The following NAALADL2 variants were observed in gnomAD, a reference collection of about 807,000 sequenced individuals.
NAALADL2 encodes inactive N-acetylated-alpha-linked acidic dipeptidase-like protein 2.
A neutral mutation model predicts 87.2 loss-of-function variants in NAALADL2; 76 were observed. The observed-to-expected ratio is 0.87, with a 90% CI of 0.72 to 1.05. The LOEUF is 1.05. Among genes scored for constraint, NAALADL2 ranks in the 50% least tolerant of loss-of-function variants. The pLI is 0.00. For synonymous variants in NAALADL2, 354 were observed against 331.0 expected, an observed-to-expected ratio of 1.07 and a Z score of -0.75; for missense variants, 1,089 against 945.8, an observed-to-expected ratio of 1.15 and a Z score of -1.99.
chr3:174,670,511 TA>T (rs1246621082), intron 2 of NAALADL2, among the ~76,000 whole-genome samples: 2 of 152,040 alleles, frequency 1.3e-5, no homozygotes, highest in African/African-American at 2.4e-5. Context: ...CCAGACCCAA[TA>T]ATCAACACAA....
intron 12 of NAALADL2, among the ~76,000 whole-genome samples, chr3:175,748,828 G>A (rs1319013884): frequency 1.3e-5 from 2 of 151,904 alleles, no homozygotes; most frequent in Non-Finnish European, 1.5e-5. Flanking sequence ...TTATAGACTG[G>A]GCATGGTGGC....
chr3:175,028,645 A>G (rs1580101126), intron 1 of NAALADL2, among the ~76,000 whole-genome samples: 1 of 152,176 alleles, frequency 6.6e-6, no homozygotes, highest in East Asian at 1.9e-4. Context: ...ATGTCAGAGT[A>G]TCTTTTAAAT....
chr3:175,549,289 A>T (rs1254740674), intron 9 of NAALADL2, among the ~76,000 whole-genome samples: 2 of 152,004 alleles, frequency 1.3e-5, no homozygotes, highest in Admixed American at 1.3e-4. Context: ...GGATGTGTAT[A>T]TCTGTTTAGA....
chr3:174,909,463 T>A (rs1212727509), intron 1 of NAALADL2, among the ~76,000 whole-genome samples: 1 of 152,120 alleles, frequency 6.6e-6, no homozygotes, highest in Non-Finnish European at 1.5e-5. Flanking sequence ...TATATTTAAC[T>A]GTTAAAATAG....
intron 5 of NAALADL2, among the ~76,000 whole-genome samples, chr3:175,348,536 CCCT>C (rs1180265480): frequency 6.6e-6 from 1 of 152,048 alleles, no homozygotes; most frequent in East Asian, 1.9e-4. Context: ...GCCATGTTCC[CCCT>C]GAAGGTTCTA....
In NAALADL2 at chr3:175,308,355, C is replaced by G. The variant is rs1473031694; in HGVS notation, c.940-15820C>G. 2.6e-5 allele frequency among the ~76,000 whole-genome samples: 4 copies of G among 152,168 alleles called. No homozygotes were observed. The East Asian group carries it at 5.8e-4, about 22-fold the overall frequency. ...TCTGTTTTCATCATTTCTTTGCACT[C>G]AGACGTTAAACTGCGTATGTTCTCT... On this transcript the variant is annotated intron_variant, in intron 4 of 13. Coordinates refer to ENST00000454872, the MANE Select transcript of NAALADL2 (RefSeq NM_207015.3).
intron 9 of NAALADL2, among the ~76,000 whole-genome samples, chr3:175,539,950 A>C (rs959928212): frequency 7.2e-5 from 11 of 152,228 alleles, no homozygotes; most frequent in Non-Finnish European, 1.0e-4. Context: ...GCTATCAAGC[A>C]AAAGGAAAAA....
chr3:175,031,093 CATT>C (rs1752745847), intron 1 of NAALADL2, among the ~76,000 whole-genome samples: 1 of 151,874 alleles, frequency 6.6e-6, no homozygotes, highest in Admixed American at 6.6e-5. Context: ...TAGAACAAAA[CATT>C]AACCAACTAT....
chr3:174,643,783 A>G (rs1299582757), intron 2 of NAALADL2, among the ~76,000 whole-genome samples: 1 of 152,214 alleles, frequency 6.6e-6, no homozygotes, highest in African/African-American at 2.4e-5. Flanking sequence ...GCAATATCAT[A>G]TTGTTATTTA....
intron 1 of NAALADL2, among the ~76,000 whole-genome samples, chr3:174,982,654 G>A (rs1745269497): frequency 6.6e-6 from 1 of 152,204 alleles, no homozygotes; most frequent in Non-Finnish European, 1.5e-5. Flanking sequence ...ATTGAAAAGT[G>A]TAACATCGAA....
intron 1 of NAALADL2, among the ~76,000 whole-genome samples, chr3:174,968,792 A>G (rs897311163): frequency 1.3e-5 from 2 of 152,130 alleles, no homozygotes. Context: ...TAGTTTTAAA[A>G]GTCCTTTAGG....
chr3:175,809,535 AAAAAG>A lies in NAALADL2; in HGVS notation c.*6342_*6346del, dbSNP rs1755001809. On this transcript the variant is annotated 3_prime_UTR_variant, in exon 14 of 14. Transcript: ENST00000454872. ...TTAAAAAAAAAAAAAAAAAAAAAAA[AAAAAG>A]AAAAGAAAAAGTAGCTAGGCATGTT... 9 of 147,566 alleles carry A rather than the reference AAAAAG, an allele frequency of 6.1e-5. No homozygotes were observed. The highest frequency in any genetic ancestry group is 8.9e-5 in the Non-Finnish European group (6 of 67,252). The allele number at this position is 147,566 out of a possible 1,614,324, so 9.1% of individuals were successfully genotyped here.
In NAALADL2 at chr3:175,465,473, C is replaced by CTTTTTTTTTTTTTTTT. The variant is rs71164634; in HGVS notation, c.1328-1502_1328-1487dup. 8.9e-4 allele frequency among the ~76,000 whole-genome samples: 95 copies of CTTTTTTTTTTTTTTTT among 106,734 alleles called. 3 individuals are homozygous for CTTTTTTTTTTTTTTTT. The highest frequency in any genetic ancestry group is 3.3e-3 in the African/African-American group (87 of 26,444). 70.0% of individuals were successfully genotyped at this position (106,734 alleles called of 152,430 possible). On this transcript the variant is annotated intron_variant, in intron 7 of 13. Transcript: ENST00000454872. ...ACACTATGTATACCATGAATTAAAT[C>CTTTTTTTTTTTTTTTT]TTTTTTTTTTTTTTTTTTTGAGATG...
chr3:175,756,172 A>T lies in NAALADL2; in HGVS notation c.2189+754A>T, dbSNP rs369056547. On this transcript the variant is annotated intron_variant, in intron 13 of 13. Transcript: ENST00000454872. ...TTATTAAAAAGTGAAAAAATAACAG[A>T]TGGAGAGAAAGCAGAGAAAAAGTAA... 2.6e-5 allele frequency among the ~76,000 whole-genome samples: 4 copies of T among 152,292 alleles called. No individual in the cohort carries two copies. The East Asian group carries it at 5.8e-4, about 22-fold the overall frequency.
At chr3:174,540,265 G>T (rs1217022236) in intron 1 of NAALADL2, among the ~76,000 whole-genome samples, 5 of 152,168 alleles carry the variant, frequency 3.3e-5, no homozygotes, top group African/African-American at 1.2e-4. Context: ...TGAAGGGCTG[G>T]CTTCTGGCTA....
intron 3 of NAALADL2, among the ~76,000 whole-genome samples, chr3:174,795,021 C>T (rs985950812): frequency 1.2e-5 from 1 of 84,430 alleles, no homozygotes; most frequent in African/African-American, 4.6e-5. Flanking sequence ...GACAGAGTTT[C>T]GCTCTTGTTG....
chr3:174,453,765 C>T (rs1264257096), intron 1 of NAALADL2, among the ~76,000 whole-genome samples: 2 of 152,138 alleles, frequency 1.3e-5, no homozygotes, highest in Non-Finnish European at 2.9e-5. Flanking sequence ...AAAGGAAGCA[C>T]TACATGCAGA....
chr3:175,414,414 T>A (rs1314548756), intron 5 of NAALADL2, among the ~76,000 whole-genome samples: 1 of 152,196 alleles, frequency 6.6e-6, no homozygotes, highest in African/African-American at 2.4e-5. Flanking sequence ...TTTTTTGATG[T>A]TTAATACAAA....
chr3:175,068,881 C>T (rs1715035947), intron 1 of NAALADL2, among the ~76,000 whole-genome samples: 1 of 151,978 alleles, frequency 6.6e-6, no homozygotes, highest in African/African-American at 2.4e-5. Context: ...ATGGGTTCCT[C>T]TAAAATAGAT....
Sources: allele counts gnomAD v4.1 joint callset (sites outside exome capture counted in the v4.1 genomes callset), GRCh38; gene constraint gnomAD v4.1.1; transcripts MANE v1.5; gene names NCBI Gene and HGNC (gene_info 2026-07-23, HGNC 2026-07-21).